Variants in MBNL1 observed in about 807,000 individuals in gnomAD.
MBNL1 encodes muscleblind like splicing regulator 1.
Under a neutral mutation model 42.2 loss-of-function variants are expected in MBNL1, and 8 were observed. That is an observed-to-expected ratio of 0.19 (90% confidence interval 0.11 to 0.34). The LOEUF is 0.34. Among genes scored for constraint, MBNL1 ranks in the 10% least tolerant of loss-of-function variants. The pLI is 1.00. For synonymous variants in MBNL1, 169 were observed against 173.9 expected, an observed-to-expected ratio of 0.97 and a Z score of 0.22; for missense variants, 309 against 495.3, an observed-to-expected ratio of 0.62 and a Z score of 3.57.
At chr3:152,367,184 C>A (rs1449265120) in intron 2 of MBNL1, among the ~76,000 whole-genome samples, 1 of 151,726 alleles carries the variant, frequency 6.6e-6, no homozygotes, top group Non-Finnish European at 1.5e-5. Context: ...CCTAGCCCCC[C>A]ACCCCCTGAC....
intron 2 of MBNL1, among the ~76,000 whole-genome samples, chr3:152,348,769 A>G (rs990739731): frequency 2.0e-5 from 3 of 152,112 alleles, no homozygotes. Context: ...TTTGATAGTA[A>G]TGATTATTAA....
At chr3:152,322,601 A>C (rs76110651) in intron 2 of MBNL1, among the ~76,000 whole-genome samples, 10,948 of 152,162 alleles carry the variant, frequency 0.072, 521 homozygotes, top group Middle Eastern at 0.17. Flanking sequence ...GTCAGTTTTG[A>C]TATGTAACAA....
At chr3:152,335,131 T>C (rs1560190308) in intron 2 of MBNL1, 1 of 1,289,296 alleles carries the variant, frequency 7.8e-7, no homozygotes, top group Admixed American at 2.3e-5. Context: ...GGAAATGTTG[T>C]TTAAGGGGAA....
upstream of MBNL1, chr3:152,268,515 G>T (rs929651795): frequency 3.0e-6 from 1 of 334,650 alleles, no homozygotes. Flanking sequence ...CTTTCAAAAT[G>T]AACCCACTGG....
At chr3:152,451,316 CT>C (rs911477937) in intron 6 of MBNL1, among the ~76,000 whole-genome samples, 95 of 152,294 alleles carry the variant, frequency 6.2e-4, no homozygotes, top group Admixed American at 4.7e-3. Context: ...CATACTTTAA[CT>C]TTTAAGAACA....
chr3:152,452,912 A>C lies in MBNL1; in HGVS notation c.962-2630A>C, dbSNP rs551662212. The stretch of plus-strand genomic sequence containing the variant: ...AAGAATAAGGCAACGAAAGGCCAGG[A>C]AACTCTTAGGTGGTGGTGTAGGTCT... On this transcript the variant is annotated intron_variant, in intron 6 of 9. Coordinates refer to ENST00000324210, the MANE Select transcript of MBNL1 (RefSeq NM_021038.5). Among the ~76,000 whole-genome samples, 38 of 152,268 alleles carry C rather than the reference A, an allele frequency of 2.5e-4. No individual in the cohort carries two copies. The South Asian group carries it at 7.9e-3, about 32-fold the overall frequency.
chr3:152,302,495 C>CGT (rs957729289), intron 2 of MBNL1: 3 of 152,050 alleles, frequency 2.0e-5, no homozygotes, highest in Admixed American at 1.3e-4. Flanking sequence ...ATGTTTCTTA[C>CGT]GTGTGTGTGT....
intron 4 of MBNL1, among the ~76,000 whole-genome samples, chr3:152,434,273 A>G (rs1560579932): frequency 6.6e-6 from 1 of 152,202 alleles, no homozygotes; most frequent in Non-Finnish European, 1.5e-5. Context: ...CTCATCATTT[A>G]GCCCCCACTT....
chr3:152,325,938 T>A (rs1413181768), intron 2 of MBNL1, among the ~76,000 whole-genome samples: 1 of 152,136 alleles, frequency 6.6e-6, no homozygotes, highest in Non-Finnish European at 1.5e-5. Flanking sequence ...TATGCATGTA[T>A]CCGTATGTGC....
chr3:152,283,153 A>G (rs886242374), intron 1 of MBNL1, among the ~76,000 whole-genome samples: 1 of 152,194 alleles, frequency 6.6e-6, no homozygotes, highest in African/African-American at 2.4e-5. Context: ...CACCAACTGC[A>G]GTAACTGAGT....
upstream of MBNL1, chr3:152,267,644 C>T (rs2037590059): frequency 6.6e-6 from 1 of 152,154 alleles, no homozygotes; most frequent in South Asian, 2.1e-4. Context: ...AAACGATTAA[C>T]GCTGGGAAGA....
At chr3:152,376,334 T>C (rs546146101) in intron 2 of MBNL1, among the ~76,000 whole-genome samples, 14 of 152,218 alleles carry the variant, frequency 9.2e-5, no homozygotes, top group Non-Finnish European at 2.1e-4. Flanking sequence ...GTCTCACATA[T>C]TATCTCGAGG....
intron 1 of MBNL1, among the ~76,000 whole-genome samples, chr3:152,286,257 A>G (rs1441878416): frequency 6.8e-6 from 1 of 147,354 alleles, no homozygotes; most frequent in Non-Finnish European, 1.5e-5. Context: ...ACATACACAC[A>G]TTAATCCTTA....
intron 3 of MBNL1, among the ~76,000 whole-genome samples, chr3:152,428,442 TTTATAG>T (rs1039764190): frequency 7.2e-5 from 11 of 152,146 alleles, no homozygotes; most frequent in African/African-American, 2.7e-4. Flanking sequence ...GAAAAACCCC[TTTATAG>T]TTAGAGATGT....
intron 1 of MBNL1, among the ~76,000 whole-genome samples, chr3:152,274,835 C>T (rs1365482019): frequency 6.6e-6 from 1 of 151,998 alleles, no homozygotes; most frequent in African/African-American, 2.4e-5. Context: ...GTTGCAGCCA[C>T]TAAATAGTTA....
At chr3:152,460,941 T>C (rs1295011476) in intron 9 of MBNL1, among the ~76,000 whole-genome samples, 5 of 152,058 alleles carry the variant, frequency 3.3e-5, no homozygotes, top group African/African-American at 1.2e-4. Flanking sequence ...CAGGATAATA[T>C]AGTAAAATAA....
intron 3 of MBNL1, among the ~76,000 whole-genome samples, chr3:152,419,486 C>T (rs2098762127): frequency 6.6e-6 from 1 of 152,122 alleles, no homozygotes; most frequent in South Asian, 2.1e-4. Context: ...AGGGAACTCC[C>T]TTCCCTAGCC....
intron 2 of MBNL1, among the ~76,000 whole-genome samples, chr3:152,313,510 T>C (rs1364619157): frequency 6.6e-6 from 1 of 152,180 alleles, no homozygotes; most frequent in Non-Finnish European, 1.5e-5. Context: ...TTTGTGAGGA[T>C]TCAATGAGAT....
At chr3:152,313,989 C>T (rs926471532) in intron 2 of MBNL1, among the ~76,000 whole-genome samples, 1 of 152,206 alleles carries the variant, frequency 6.6e-6, no homozygotes, top group East Asian at 1.9e-4. Flanking sequence ...TAAAACTAAT[C>T]CTATTTAGCT....
Sources: allele counts gnomAD v4.1 joint callset (sites outside exome capture counted in the v4.1 genomes callset), GRCh38; gene constraint gnomAD v4.1.1; transcripts MANE v1.5; gene names NCBI Gene and HGNC (gene_info 2026-07-23, HGNC 2026-07-21).